Variants in AAGAB observed in about 807,000 individuals in gnomAD.
The protein encoded by AAGAB is alpha and gamma adaptin binding protein.
In AAGAB, 38 loss-of-function variants were observed where a neutral mutation model predicts 44.1. The ratio of observed to expected loss-of-function variants is 0.86; its 90% confidence interval spans 0.67 to 1.13. The LOEUF (loss-of-function observed/expected upper bound fraction) is 1.13. Among genes scored for constraint, AAGAB ranks in the 50% most tolerant of loss-of-function variants. AAGAB has a pLI of 0.00. For missense variants in AAGAB, 450 were observed against 373.8 expected (o/e 1.20, Z -1.68); for synonymous variants, 131 against 131.8 (o/e 0.99, Z 0.04).
intron 5 of AAGAB, among the ~76,000 whole-genome samples, chr15:67,230,657 A>T (rs1472268139): frequency 6.6e-6 from 1 of 152,150 alleles, no homozygotes; most frequent in Non-Finnish European, 1.5e-5. Flanking sequence ...TCTATGTCAT[A>T]TGGTTTGTGG....
At chr15:67,254,343 G>A in intron 1 of AAGAB, 1 of 1,320,398 alleles carries the variant, frequency 7.6e-7, no homozygotes, top group South Asian at 1.8e-5. Flanking sequence ...CTTTACACAG[G>A]AAGCCGAAAG....
At chr15:67,220,284 G>A (rs1964037840) in intron 5 of AAGAB, among the ~76,000 whole-genome samples, 1 of 152,188 alleles carries the variant, frequency 6.6e-6, no homozygotes, top group African/African-American at 2.4e-5. Context: ...ACTCACGTCA[G>A]AGAGCACCTA....
intron 7 of AAGAB, among the ~76,000 whole-genome samples, chr15:67,204,752 T>C (rs1014383820): frequency 1.3e-5 from 2 of 152,222 alleles, no homozygotes; most frequent in African/African-American, 2.4e-5. Context: ...CTTGGCACAC[T>C]GCTTCTTTAT....
chr15:67,216,142 A>G (rs1963939437), intron 5 of AAGAB, among the ~76,000 whole-genome samples: 1 of 152,074 alleles, frequency 6.6e-6, no homozygotes, highest in Admixed American at 6.6e-5. Flanking sequence ...AAAAAGAGAA[A>G]AGTATAAAGA....
At chr15:67,242,012 C>T (rs1419930603) in intron 1 of AAGAB, among the ~76,000 whole-genome samples, 1 of 152,156 alleles carries the variant, frequency 6.6e-6, no homozygotes, top group Middle Eastern at 3.4e-3. Context: ...CAGAGTCTGA[C>T]GTCAGCTGAA....
intron 5 of AAGAB, among the ~76,000 whole-genome samples, chr15:67,223,879 A>C (rs907256178): frequency 6.6e-6 from 1 of 152,166 alleles, no homozygotes; most frequent in Admixed American, 6.5e-5. Context: ...CTCTCACCTT[A>C]GGGCCTTTGC....
intron 5 of AAGAB, among the ~76,000 whole-genome samples, chr15:67,222,905 C>T (rs1456489207): frequency 6.6e-6 from 1 of 152,166 alleles, no homozygotes; most frequent in African/African-American, 2.4e-5. Flanking sequence ...TCTCTTTCAA[C>T]CTATTTCACT....
chr15:67,230,687 T>C (rs1325788635), intron 5 of AAGAB, among the ~76,000 whole-genome samples: 3 of 152,178 alleles, frequency 2.0e-5, no homozygotes, highest in African/African-American at 7.2e-5. Flanking sequence ...ACCATAGCCC[T>C]AGGGAACCAA....
chr15:67,236,436 G>C lies in AAGAB; in HGVS notation c.333C>G (p.Ile111Met). 6.2e-7 allele frequency: 1 copy of C among 1,614,110 alleles called. No homozygotes were observed. Among genetic ancestry groups the C allele is most frequent in the African/African-American group, 1.3e-5 (1 of 75,038 alleles). The change falls in exon 3 of 10, where the codon ATC becomes ATG. Residue 111 changes from isoleucine (I) to methionine (M), a missense_variant. By Grantham distance (10) the Ile-to-Met change is conservative. Coordinates refer to ENST00000261880, the MANE Select transcript of AAGAB (RefSeq NM_024666.5). ...CTTCAGACACTCTATCGCAGACCAA[G>C]ATCATCACCTCAGGTAACCATGCTT... ...LAKAWLPEVM[I>M]LVCDRVSEDG... is the part of the protein sequence containing the mutation.
chr15:67,243,342 C>T (rs1008855039), intron 1 of AAGAB, among the ~76,000 whole-genome samples: 20 of 152,150 alleles, frequency 1.3e-4, no homozygotes, highest in African/African-American at 4.8e-4. Context: ...CTTTGTCAAT[C>T]CTAGTGTCAC....
At chr15:67,250,418 T>C (rs1055577124) in intron 1 of AAGAB, among the ~76,000 whole-genome samples, 3 of 151,986 alleles carry the variant, frequency 2.0e-5, no homozygotes, top group Non-Finnish European at 4.4e-5. Context: ...CTCAAGTGAT[T>C]TGCCTGCCTT....
intron 1 of AAGAB, among the ~76,000 whole-genome samples, chr15:67,248,852 G>C (rs1386019962): frequency 2.0e-5 from 3 of 152,132 alleles, no homozygotes; most frequent in Non-Finnish European, 2.9e-5. Context: ...ATGGGTAAAT[G>C]CATGTGAATT....
At chr15:67,236,166 T>C in intron 3 of AAGAB, 98 bp from the exon 4 acceptor site, 1 of 1,017,898 alleles carries the variant, frequency 9.8e-7, no homozygotes, top group Non-Finnish European at 1.5e-6. Flanking sequence ...TTTCCCTTAA[T>C]GTCAATGTTA....
rs578176425 is a variant in AAGAB at position 67,234,180 on chromosome 15, G to C, written c.451+1799C>G. Among the ~76,000 whole-genome samples the C allele has an allele frequency of 7.2e-5, 11 of 152,190 alleles. No individual in the cohort carries two copies. In the East Asian group the frequency reaches 1.5e-3, roughly 21 times the overall value. ...AGGCAGGAGAATGGCGTGAATCTAG[G>C]AGGTGGAGCTTGCAGTGAGCAGAGA... is the stretch of plus-strand genomic sequence containing the variant. On this transcript the variant is annotated intron_variant, in intron 4 of 9. Transcript: ENST00000261880.
chr15:67,243,801 C>A (rs1157980398), intron 1 of AAGAB, among the ~76,000 whole-genome samples: 1 of 152,172 alleles, frequency 6.6e-6, no homozygotes, highest in Non-Finnish European at 1.5e-5. Flanking sequence ...CAACCTCCTA[C>A]CCCAGATAAA....
intron 5 of AAGAB, among the ~76,000 whole-genome samples, chr15:67,222,234 GCGCGCGCGCACACA>G (rs1202220525): frequency 2.3e-4 from 10 of 43,164 alleles, no homozygotes; most frequent in African/African-American, 1.0e-3. Context: ...ACGCGCACGC[GCGCGCGCGCACACA>G]CACACACACA....
intron 5 of AAGAB, among the ~76,000 whole-genome samples, chr15:67,222,236 GCGCGCGCACACA>G (rs1376362930): frequency 1.3e-4 from 5 of 39,242 alleles, no homozygotes; most frequent in East Asian, 8.3e-4. Context: ...GCGCACGCGC[GCGCGCGCACACA>G]CACACACACA....
At chr15:67,242,189 C>T (rs1964615738) in intron 1 of AAGAB, among the ~76,000 whole-genome samples, 1 of 93,962 alleles carries the variant, frequency 1.1e-5, no homozygotes, top group Non-Finnish European at 2.5e-5. Flanking sequence ...TTTGGGAGGC[C>T]GAGGCGGGTG....
At chr15:67,203,957 A>G (rs769461133) in intron 8 of AAGAB, 87 bp downstream of exon 8, 10 of 821,810 alleles carry the variant, frequency 1.2e-5, no homozygotes, top group East Asian at 2.7e-5. Context: ...AAGGAATCCA[A>G]TCCAGCAGTT....
Sources: gnomAD v4.1 joint callset for allele counts (sites outside exome capture counted in the v4.1 genomes callset) on GRCh38, gnomAD v4.1.1 for gene constraint, MANE v1.5 for transcripts, NCBI Gene and HGNC (gene_info 2026-07-23, HGNC 2026-07-21) for gene names.